The following SPATA7 variants were observed in gnomAD, a reference collection of about 807,000 sequenced individuals.
The protein encoded by SPATA7 is spermatogenesis associated 7.
Under a neutral mutation model 51.8 loss-of-function variants are expected in SPATA7, and 43 were observed. That is an observed-to-expected ratio of 0.83 (90% confidence interval 0.65 to 1.07). SPATA7 has a LOEUF of 1.07. SPATA7 is among the 50% of genes least tolerant of loss of function. SPATA7 has a pLI of 0.00. For synonymous variants in SPATA7, 230 were observed against 252.8 expected, an observed-to-expected ratio of 0.91 and a Z score of 0.86; for missense variants, 683 against 701.3, an observed-to-expected ratio of 0.97 and a Z score of 0.30.
chr14:88,385,706 C>T lies in SPATA7; in HGVS notation c.-113C>T. 4 of 1,037,004 alleles carry T rather than the reference C, an allele frequency of 3.9e-6. No individual in the cohort carries two copies. In the South Asian group the frequency reaches 5.4e-5, roughly 14 times the overall value. 64.2% of individuals were successfully genotyped at this position (1,037,004 alleles called of 1,614,324 possible). A position where few individuals can be genotyped will look rare whatever the true frequency, so the allele number is the denominator to read the frequency against. ...CCTGGCAACGGTTTCCCTGCTGCTG[C>T]AGCCCCCGTCGGCTCCTCTTTTCCA... On this transcript the variant is annotated 5_prime_UTR_variant, in exon 1 of 12. Coordinates refer to ENST00000393545, the MANE Select transcript of SPATA7 (RefSeq NM_018418.5).
At chr14:88,439,618 C>T (rs1447741022), downstream of SPATA7, among the ~76,000 whole-genome samples, 1 of 152,130 alleles carries the variant, frequency 6.6e-6, no homozygotes, top group African/African-American at 2.4e-5. Flanking sequence ...GTATCCTGTT[C>T]TTTAACTCGG....
intron 4 of SPATA7, among the ~76,000 whole-genome samples, chr14:88,460,925 A>G (rs1056736661): frequency 6.6e-5 from 10 of 152,104 alleles, no homozygotes; most frequent in Admixed American, 5.9e-4. Context: ...TTTCCTTCTA[A>G]CAGTCAGGAC....
chr14:88,403,754 A>C (rs2076132943), intron 4 of SPATA7, among the ~76,000 whole-genome samples: 1 of 152,158 alleles, frequency 6.6e-6, no homozygotes, highest in South Asian at 2.1e-4. Flanking sequence ...AGGAAGGAGG[A>C]AATGGGGAGA....
intron 9 of SPATA7, among the ~76,000 whole-genome samples, chr14:88,431,696 A>G (rs2076945526): frequency 6.6e-6 from 1 of 152,154 alleles, no homozygotes; most frequent in African/African-American, 2.4e-5. Flanking sequence ...TCCACATATG[A>G]GTGAGAACAT....
intron 4 of SPATA7, among the ~76,000 whole-genome samples, chr14:88,411,580 G>A (rs1189947294): frequency 1.3e-5 from 2 of 151,978 alleles, no homozygotes; most frequent in African/African-American, 4.8e-5. Context: ...AGTGCACACC[G>A]TTCCTCACAG....
chr14:88,401,604 G>A (rs1415959226), intron 4 of SPATA7, among the ~76,000 whole-genome samples: 1 of 152,084 alleles, frequency 6.6e-6, no homozygotes, highest in Non-Finnish European at 1.5e-5. Flanking sequence ...GGGGGACCAA[G>A]GTGGAGAGAT....
chr14:88,429,574 T>TTAA, intron 8 of SPATA7, 111 bp downstream of exon 8: 1 of 662,404 alleles, frequency 1.5e-6, no homozygotes, highest in South Asian at 2.1e-5. Context: ...TCCAATCTAT[T>TTAA]TTGGTGTTAT....
At chr14:88,452,910 C>A (rs74075358) in intron 3 of SPATA7, among the ~76,000 whole-genome samples, 5,782 of 152,246 alleles carry the variant, frequency 0.038, 359 homozygotes, top group African/African-American at 0.13. Context: ...GTTCTTCACA[C>A]ATAGAGGTCC....
At chr14:88,448,896 G>T (rs565641570) in intron 3 of SPATA7, among the ~76,000 whole-genome samples, 50 of 152,168 alleles carry the variant, frequency 3.3e-4, no homozygotes, top group Non-Finnish European at 5.4e-4. Flanking sequence ...AAAGCTGTCA[G>T]ACTGGGACAT....
intron 3 of SPATA7, among the ~76,000 whole-genome samples, chr14:88,450,229 T>G (rs1043194162): frequency 1.3e-5 from 2 of 152,146 alleles, no homozygotes; most frequent in South Asian, 2.1e-4. Context: ...ATATACTTGG[T>G]TGATGAATTC....
chr14:88,404,400 TAG>T (rs778494740), intron 4 of SPATA7, among the ~76,000 whole-genome samples: 5 of 152,122 alleles, frequency 3.3e-5, no homozygotes, highest in Non-Finnish European at 7.4e-5. Context: ...AAAAGAGTAG[TAG>T]AGTAGCCCTA....
chr14:88,426,837 ACTTTTC>A (rs2076808516), intron 6 of SPATA7, 133 bp downstream of exon 6: 2 of 850,980 alleles, frequency 2.4e-6, no homozygotes, highest in Non-Finnish European at 1.9e-6. Context: ...GATGAATGTG[ACTTTTC>A]CTTTTCCATG....
chr14:88,453,959 G>A (rs982394724), intron 3 of SPATA7, among the ~76,000 whole-genome samples: 5 of 152,082 alleles, frequency 3.3e-5, no homozygotes, highest in East Asian at 1.9e-4. Flanking sequence ...GCTCATATTC[G>A]AGTTTTGAGG....
chr14:88,463,099 T>G (rs908922173), intron 4 of SPATA7, among the ~76,000 whole-genome samples: 2 of 152,178 alleles, frequency 1.3e-5, no homozygotes, highest in Non-Finnish European at 2.9e-5. Context: ...GGATACCCTC[T>G]ATATAATAGC....
chr14:88,467,975 C>T (rs949679790), intron 4 of SPATA7: 11 of 933,234 alleles, frequency 1.2e-5, no homozygotes, highest in Non-Finnish European at 1.3e-5. Flanking sequence ...GCCTGTGCTT[C>T]GCACGTTTCC....
At chr14:88,416,509 G>A in intron 4 of SPATA7, 1 of 368,770 alleles carries the variant, frequency 2.7e-6, no homozygotes, top group Non-Finnish European at 4.9e-6. Flanking sequence ...AATTAAATGT[G>A]TTAGTTAATA....
At chr14:88,416,555 T>C (rs1000075430) in intron 4 of SPATA7, 156 bp from the exon 5 acceptor site, 11 of 638,058 alleles carry the variant, frequency 1.7e-5, no homozygotes, top group African/African-American at 1.7e-4. Context: ...ATTTTTAAAA[T>C]GTGTTAGTAA....
intron 4 of SPATA7, chr14:88,467,874 A>T (rs768460932): frequency 8.6e-6 from 4 of 466,934 alleles, no homozygotes; most frequent in Non-Finnish European, 1.5e-5. Flanking sequence ...AATGTGTGCA[A>T]GTACTGCAAA....
At chr14:88,444,053 C>T (rs546154521) in intron 3 of SPATA7, among the ~76,000 whole-genome samples, 3,777 of 151,572 alleles carry the variant, frequency 0.025, 153 homozygotes, top group African/African-American at 0.087. Context: ...CCTGAGGAAT[C>T]GCCACACTGA....
Sources: allele counts gnomAD v4.1 joint callset (sites outside exome capture counted in the v4.1 genomes callset), GRCh38; gene constraint gnomAD v4.1.1; transcripts MANE v1.5; gene names NCBI Gene and HGNC (gene_info 2026-07-23, HGNC 2026-07-21).